Variants in ADGRL3 observed in about 807,000 individuals in gnomAD.
The protein encoded by ADGRL3 is adhesion G protein-coupled receptor L3.
Under a neutral mutation model 153.5 loss-of-function variants are expected in ADGRL3, and 62 were observed. That is an observed-to-expected ratio of 0.40 (90% CI 0.33 to 0.50). The LOEUF is 0.50. ADGRL3 is among the 20% of genes least tolerant of loss of function. The pLI is 0.47. For missense variants in ADGRL3, 1,641 were observed against 1,859.4 expected (o/e 0.88, Z 2.16); for synonymous variants, 710 against 672.5 (o/e 1.06, Z -0.86).
chr4:62,024,091 A>T (rs1347705407), intron 21 of ADGRL3, among the ~76,000 whole-genome samples: 1 of 152,184 alleles, frequency 6.6e-6, no homozygotes, highest in African/African-American at 2.4e-5. Context: ...AAAGAAACTT[A>T]TATAACATTG....
At chr4:61,661,496 A>G (rs749083680) in intron 5 of ADGRL3, among the ~76,000 whole-genome samples, 2 of 152,128 alleles carry the variant, frequency 1.3e-5, no homozygotes, top group Non-Finnish European at 2.9e-5. Flanking sequence ...ATATGTGAAT[A>G]ATAAAGTCTA....
chr4:61,350,549 GAACAAGTCTTTTGGTGCCA>G (rs1282291496), intron 1 of ADGRL3, among the ~76,000 whole-genome samples: 4 of 152,100 alleles, frequency 2.6e-5, no homozygotes, highest in African/African-American at 7.2e-5. Context: ...ATCCTTCATT[GAACAAGTCTTTTGGTGCCA>G]AACAAGTCTT....
chr4:62,076,330 G>A lies in ADGRL3; in HGVS notation c.*5422G>A, dbSNP rs1747138226. On this transcript the variant is annotated 3_prime_UTR_variant, in exon 27 of 27. Transcript: ENST00000683033. ...TGTGTCCCGTTACAGTATTTCAAAG[G>A]TAAATGCAAACTAATTTTTAGGAAG... The A allele has an allele frequency of 6.6e-6, 1 of 151,994 alleles. No homozygotes were observed. Among genetic ancestry groups the A allele is most frequent in the Non-Finnish European group, 1.5e-5 (1 of 67,940 alleles). 9.4% of individuals were successfully genotyped at this position (151,994 alleles called of 1,614,324 possible). A position where few individuals can be genotyped will look rare whatever the true frequency, so the allele number is the denominator to read the frequency against.
chr4:61,639,342 G>C (rs1244929081), intron 5 of ADGRL3, among the ~76,000 whole-genome samples: 2 of 151,836 alleles, frequency 1.3e-5, no homozygotes, highest in African/African-American at 4.8e-5. Context: ...GTTTAATGTA[G>C]TATATGAATA....
At chr4:61,382,471 C>G (rs1287142519) in intron 1 of ADGRL3, among the ~76,000 whole-genome samples, 3 of 151,382 alleles carry the variant, frequency 2.0e-5, no homozygotes, top group African/African-American at 7.3e-5. Context: ...TGTAAAAAGT[C>G]TGTTTTATTA....
chr4:62,056,592 C>T (rs555619339), intron 25 of ADGRL3, among the ~76,000 whole-genome samples: 225 of 152,102 alleles, frequency 1.5e-3, no homozygotes, highest in African/African-American at 5.3e-3. Flanking sequence ...ATAGAAGATA[C>T]AACCATTAGA....
chr4:61,512,492 T>A (rs927072674), intron 3 of ADGRL3, among the ~76,000 whole-genome samples: 10 of 152,066 alleles, frequency 6.6e-5, no homozygotes, highest in African/African-American at 2.4e-4. Flanking sequence ...ATGATTTAAA[T>A]TATAAATAAA....
chr4:61,312,494 C>T (rs1051222253), intron 1 of ADGRL3, among the ~76,000 whole-genome samples: 5 of 152,036 alleles, frequency 3.3e-5, no homozygotes, highest in African/African-American at 1.2e-4. Context: ...ATTTGAACAA[C>T]ACATATCTGA....
At chr4:61,502,758 T>C (rs1430285812) in intron 3 of ADGRL3, among the ~76,000 whole-genome samples, 1 of 152,194 alleles carries the variant, frequency 6.6e-6, no homozygotes, top group East Asian at 1.9e-4. Flanking sequence ...CTTGAAAAAG[T>C]ACAAAATTAC....
intron 5 of ADGRL3, among the ~76,000 whole-genome samples, chr4:61,645,114 T>G (rs955230942): frequency 5.8e-4 from 11 of 19,032 alleles, no homozygotes; most frequent in Non-Finnish European, 8.3e-4. Flanking sequence ...AACCCCTGCC[T>G]TTTTTTGTTT....
intron 1 of ADGRL3, among the ~76,000 whole-genome samples, chr4:61,328,975 G>A (rs1578288635): frequency 1.3e-5 from 2 of 152,080 alleles, no homozygotes; most frequent in African/African-American, 4.8e-5. Context: ...TACTATCTCT[G>A]TTAGGACTGA....
Position 61,261,021 on chromosome 4 carries a change from C to T in ADGRL3, c.-240+59256C>T, listed in dbSNP as rs182291251. On this transcript the variant is annotated intron_variant, in intron 1 of 26. Transcript: ENST00000683033. ...GATTACAGGCATGAGCCAACACACTCGCCATTCTCATTTGTTATTTGTATT... is the reference window on the plus strand; with the variant it reads ...GATTACAGGCATGAGCCAACACACTTGCCATTCTCATTTGTTATTTGTATT... 2.5e-3 allele frequency among the ~76,000 whole-genome samples: 381 copies of T among 152,126 alleles called. 5 individuals carry two copies. The highest frequency in any genetic ancestry group is 1.2e-3 in the Non-Finnish European group (84 of 67,998).
intron 5 of ADGRL3, among the ~76,000 whole-genome samples, chr4:61,592,367 T>A (rs2149414097): frequency 6.6e-6 from 1 of 152,312 alleles, no homozygotes; most frequent in South Asian, 2.1e-4. Context: ...TCCATTATGT[T>A]GTCTCGTATT....
rs75031572 is a variant in ADGRL3 at position 61,593,346 on chromosome 4, G to A, written c.473+5906G>A. ...TTCTTTGGCCTACTGTTACCAGGGA[G>A]GTTTTTTTTGTTGTTGTTTGTTTGT... On this transcript the variant is annotated intron_variant, in intron 5 of 26. Coordinates refer to ENST00000683033, the MANE Select transcript of ADGRL3 (RefSeq NM_001387552.1). Among the ~76,000 whole-genome samples the A allele has an allele frequency of 3.2e-3, 492 of 151,872 alleles. 14 individuals carry two copies. The South Asian group carries it at 0.046, about 14-fold the overall frequency.
intron 8 of ADGRL3, among the ~76,000 whole-genome samples, chr4:61,787,132 A>T (rs997615912): frequency 3.3e-5 from 5 of 152,190 alleles, no homozygotes; most frequent in African/African-American, 4.8e-5. Context: ...GATTCCTCTT[A>T]TATTCTATAA....
intron 2 of ADGRL3, among the ~76,000 whole-genome samples, chr4:61,464,239 G>A (rs1367159772): frequency 6.6e-6 from 1 of 152,108 alleles, no homozygotes; most frequent in Non-Finnish European, 1.5e-5. Context: ...AGTTGCTTTG[G>A]AACAAATTTA....
chr4:61,303,606 T>A (rs2094659963), intron 1 of ADGRL3, among the ~76,000 whole-genome samples: 1 of 152,188 alleles, frequency 6.6e-6, no homozygotes, highest in African/African-American at 2.4e-5. Context: ...AATCTTACAC[T>A]TTTGTAATAA....
chr4:61,598,946 C>G (rs909562379), intron 5 of ADGRL3, among the ~76,000 whole-genome samples: 28 of 152,220 alleles, frequency 1.8e-4, no homozygotes, highest in Admixed American at 1.0e-3. Context: ...GGATATGACC[C>G]TATGCCTTTT....
At chr4:61,218,382 C>T (rs1743847410) in intron 1 of ADGRL3, among the ~76,000 whole-genome samples, 1 of 152,040 alleles carries the variant, frequency 6.6e-6, no homozygotes, top group Admixed American at 6.6e-5. Context: ...ACGATTATGG[C>T]TCACTGCAGC....
Sources: allele counts gnomAD v4.1 joint callset (sites outside exome capture counted in the v4.1 genomes callset), GRCh38; gene constraint gnomAD v4.1.1; transcripts MANE v1.5; gene names NCBI Gene and HGNC (gene_info 2026-07-23, HGNC 2026-07-21).